Variants in BRAT1 observed in about 807,000 individuals in gnomAD.
BRAT1 encodes the protein BRCA1 associated ATM activator 1.
In BRAT1, 74 loss-of-function variants were observed where a neutral mutation model predicts 70.6. The ratio of observed to expected loss-of-function variants is 1.05; its 90% CI spans 0.87 to 1.27. BRAT1 has a LOEUF of 1.27. Ranked by LOEUF, BRAT1 falls within the 50% of genes most tolerant of loss-of-function variation. The pLI is 0.00. For synonymous variants in BRAT1, 615 were observed against 517.1 expected, an observed-to-expected ratio of 1.19 and a Z score of -2.57; for missense variants, 1,203 against 1,098.2, an observed-to-expected ratio of 1.10 and a Z score of -1.35.
chr7:2,539,250 T>C lies in BRAT1; in HGVS notation c.1699A>G (p.Thr567Ala). The change falls in exon 13 of 14, where the codon ACC becomes GCC. Residue 567 changes from threonine (T) to alanine (A), a missense_variant. Thr to Ala is a moderately conservative substitution (Grantham distance 58). Coordinates refer to ENST00000340611, the MANE Select transcript of BRAT1 (RefSeq NM_152743.4). ...PESYVRASAV[T>A]AMGQLSSQGL... ...TGGCTGGACAGCTGCCCCATGGCGG[T>C]CACTGCACTCGCTCGGACATAACTC... 6.2e-7 allele frequency: 1 copy of C among 1,611,404 alleles called. No individual in the cohort carries two copies. The highest frequency in any genetic ancestry group is 8.5e-7 in the Non-Finnish European group (1 of 1,179,908).
intron 3 of BRAT1, among the ~76,000 whole-genome samples, chr7:2,546,909 CG>C (rs1222069490): frequency 3.3e-5 from 5 of 152,088 alleles, no homozygotes; most frequent in African/African-American, 1.2e-4. Context: ...GGCGCAGCTA[CG>C]ACTCCTGTCT....
rs1350799820 is a variant in BRAT1, at chr7:2,538,321, C to T, written c.2214G>A (p.Glu738=). 6.2e-7 allele frequency: 1 copy of T among 1,613,078 alleles called. No individual in the cohort carries two copies. ...AGGCAGTGTTGGGGCTGCCCCTGGC[C>T]TCCCGCAGGCTGCTGTAGGAAGCAA... ...DKIASYSSLR[E]ARGSPNTASA... Residue 738 remains glutamate (E), a synonymous_variant, in exon 14 of 14, where the codon GAG becomes GAA. Coordinates refer to ENST00000340611, the MANE Select transcript of BRAT1 (RefSeq NM_152743.4).
At position 2,542,108 on chromosome 7, in the gene BRAT1, T is replaced by C; in HGVS notation, c.1015+12A>G. On this transcript the variant is annotated intron_variant, in intron 7 of 13. Coordinates refer to ENST00000340611, the MANE Select transcript of BRAT1 (RefSeq NM_152743.4). ...CAGGTTCTGCCCTCCCAGCCCTTTC[T>C]AAGCAGCACACCTGGGGGTCCGGGG... 1 of 1,520,538 alleles carries C rather than the reference T, an allele frequency of 6.6e-7. No individual in the cohort carries two copies. Among genetic ancestry groups the C allele is most frequent in the Non-Finnish European group, 8.8e-7 (1 of 1,133,524 alleles). 94.2% of individuals were successfully genotyped at this position (1,520,538 alleles called of 1,614,324 possible).
Position 2,545,000 on chromosome 7 carries a change from G to C in BRAT1, c.339C>G (p.Thr113=), listed in dbSNP as rs1357023439. The C allele has an allele frequency of 5.1e-6, 8 of 1,556,968 alleles. No individual in the cohort carries two copies. Among genetic ancestry groups the C allele is most frequent in the Non-Finnish European group, 4.3e-6 (5 of 1,149,888 alleles). The change falls in exon 4 of 14, where the codon ACC becomes ACG. Residue 113 remains threonine, a synonymous_variant. Coordinates refer to ENST00000340611, the MANE Select transcript of BRAT1 (RefSeq NM_152743.4). ...CGCTGCGCACGGTGGGGACGGCCCAGGTTGCTCGGCCGAGGGGTCCTGGCT... is the reference window on the plus strand; with the variant it reads ...CGCTGCGCACGGTGGGGACGGCCCACGTTGCTCGGCCGAGGGGTCCTGGCT... ...FGEPGPLGRA[T]WAVPTVRSGW... is the part of the protein sequence containing the mutation.
intron 2 of BRAT1, among the ~76,000 whole-genome samples, chr7:2,550,481 C>CAAAAAAAAAAAAAAAAAAA (rs369777124): frequency 6.8e-4 from 39 of 57,474 alleles, no homozygotes; most frequent in African/African-American, 1.2e-3. Flanking sequence ...AAAAAAAAAA[C>CAAAAAAAAAAAAAAAAAAA]AAAAAAAAAA....
In BRAT1 at chr7:2,554,308, C is replaced by T. The variant is rs760560621; in HGVS notation, c.124G>A (p.Gly42Arg). ...LLDWFKTVTE[G>R]ESSVVLLQEH... The stretch of plus-strand genomic sequence containing the variant: ...AACAGCAGCACCACCTCCTTACCTC[C>T]TTCAGTGACCGTTTTAAACCAGTCC... The change falls in exon 2 of 14, where the codon GGA becomes AGA. Residue 42 changes from glycine (G) to arginine (R), a missense_variant. By Grantham distance (125) the Gly-to-Arg change is moderately radical. Transcript: ENST00000340611. The T allele has an allele frequency of 2.0e-5, 32 of 1,613,436 alleles. No homozygotes were observed. Among genetic ancestry groups the T allele is most frequent in the African/African-American group, 2.7e-5 (2 of 74,932 alleles).
chr7:2,541,408 G>A lies in BRAT1; in HGVS notation c.1211C>T (p.Ser404Leu), dbSNP rs538629958. 2.0e-5 allele frequency: 32 copies of A among 1,599,058 alleles called. No individual in the cohort carries two copies. The highest frequency in any genetic ancestry group is 1.4e-4 in the Admixed American group (8 of 57,704). ...TVTVLRLCDG[S>L]AAPASSVGGH... Reference sequence around the variant, plus strand: ...CCCCACACTGGAGGCAGGGGCAGCCGAGCCGTCACAGAGCCGCAGGACAGT... The same window carrying A: ...CCCCACACTGGAGGCAGGGGCAGCCAAGCCGTCACAGAGCCGCAGGACAGT... Residue 404 changes from serine to leucine, a missense_variant, in exon 9 of 14, where the codon TCG becomes TTG. Physicochemically the swap from Ser to Leu is moderately radical, Grantham distance 145. Transcript: ENST00000340611.
intron 3 of BRAT1, 134 bp downstream of exon 3, chr7:2,547,190 C>T (rs1261578858): frequency 6.0e-6 from 7 of 1,165,916 alleles, no homozygotes; most frequent in Non-Finnish European, 8.5e-6. Flanking sequence ...ACATGCAGTT[C>T]TAGTGAGGAC....
At position 2,538,426 on chromosome 7, in the gene BRAT1, G is replaced by C. The variant is rs745775567; in HGVS notation, c.2109C>G (p.Phe703Leu). The C allele has an allele frequency of 6.2e-7, 1 of 1,613,408 alleles. No individual in the cohort carries two copies. The highest frequency in any genetic ancestry group is 8.5e-7 in the Non-Finnish European group (1 of 1,179,964). Residue 703 changes from phenylalanine (F) to leucine (L), a missense_variant, in exon 14 of 14, where the codon TTC becomes TTG. Coordinates refer to ENST00000340611, the MANE Select transcript of BRAT1 (RefSeq NM_152743.4). ...RALCHVGLFDFAFCALFDCDR... is the reference protein window; with the variant it reads ...RALCHVGLFDLAFCALFDCDR... ...CGCAGTCAAACAAGGCACAAAAGGC[G>C]AAGTCAAAGAGCCCCACGTGGCAGA...
chr7:2,537,908 C>G lies in BRAT1; in HGVS notation c.*161G>C, dbSNP rs779928002. The G allele has an allele frequency of 2.3e-4, 271 of 1,202,162 alleles. No individual in the cohort carries two copies. Among genetic ancestry groups the G allele is most frequent in the Non-Finnish European group, 2.7e-4 (251 of 918,688 alleles). 74.5% of individuals were successfully genotyped at this position (1,202,162 alleles called of 1,614,324 possible). A position where few individuals can be genotyped will look rare whatever the true frequency, so the allele number is the denominator to read the frequency against. ...GTAGAAATAAGTCATTTCTTTAATA[C>G]ATCAAACTGTGGGATTTCTTGACCT... On this transcript the variant is annotated 3_prime_UTR_variant, in exon 14 of 14. Transcript: ENST00000340611.
chr7:2,539,415 G>T, intron 12 of BRAT1, 64 bp from the exon 13 acceptor site: 1 of 1,543,204 alleles, frequency 6.5e-7, no homozygotes. Context: ...CTCGGCCTCT[G>T]CCTCCATCCC....
Position 2,543,631 on chromosome 7 carries a change from G to T in BRAT1, c.762C>A (p.Pro254=). 1 of 1,536,796 alleles carries T rather than the reference G, an allele frequency of 6.5e-7. No individual in the cohort carries two copies. The highest frequency in any genetic ancestry group is 8.8e-7 in the Non-Finnish European group (1 of 1,137,002). Residue 254 remains proline (P), a synonymous_variant, in exon 5 of 14, where the codon CCC becomes CCA. Coordinates refer to ENST00000340611, the MANE Select transcript of BRAT1 (RefSeq NM_152743.4). This position sits in a 1 kb window ranked among gnomAD's most constrained non-coding sequence, Gnocchi z 5.5. The part of the protein sequence containing the change: ...VACLLERDPI[P]AAHSFVDLLL... Reference sequence around the variant, plus strand: ...GCAGGTCCACGAACGAGTGTGCGGCGGGGATGGGGTCTCTCTCCAGCAGAC... The same window carrying T: ...GCAGGTCCACGAACGAGTGTGCGGCTGGGATGGGGTCTCTCTCCAGCAGAC...
Position 2,543,377 on chromosome 7 carries a change from C to G in BRAT1, c.804-54G>C. 1 of 1,523,608 alleles carries G rather than the reference C, an allele frequency of 6.6e-7. No homozygotes were observed. The highest frequency in any genetic ancestry group is 8.8e-7 in the Non-Finnish European group (1 of 1,134,806). The allele number at this position is 1,523,608 out of a possible 1,614,324, so 94.4% of individuals were successfully genotyped here. On this transcript the variant is annotated intron_variant, in intron 5 of 13. Transcript: ENST00000340611. The surrounding 1 kb of genome is among the most constrained non-coding windows in gnomAD (Gnocchi z 5.5). ...ACTCCCCCACCCTCAAAACCCCATT[C>G]GAGGCCTGGCTGAGACTGCCATGGC...
chr7:2,549,375 G>A (rs1249870440), intron 2 of BRAT1, among the ~76,000 whole-genome samples: 1 of 152,154 alleles, frequency 6.6e-6, no homozygotes, highest in Non-Finnish European at 1.5e-5. Flanking sequence ...TACACTGGAA[G>A]CTGAGATGGG....
At chr7:2,539,919 C>A in intron 10 of BRAT1, 31 bp from the exon 11 acceptor site, 2 of 1,443,406 alleles carry the variant, frequency 1.4e-6, no homozygotes, top group Non-Finnish European at 9.2e-7. Flanking sequence ...TGCAGGGCCA[C>A]GGGAGACGGA....
chr7:2,546,761 A>C (rs1779636453), intron 3 of BRAT1, among the ~76,000 whole-genome samples: 2 of 152,112 alleles, frequency 1.3e-5, no homozygotes, highest in Non-Finnish European at 1.5e-5. Context: ...ATAAAATAAA[A>C]ATAAATAAAA....
intron 2 of BRAT1, among the ~76,000 whole-genome samples, chr7:2,552,701 C>T (rs988168241): frequency 1.3e-4 from 20 of 151,916 alleles, no homozygotes; most frequent in Admixed American, 1.3e-3. Context: ...TAAACATTTA[C>T]ATGCGAGAAT....
rs998874603 is a variant in BRAT1 at position 2,537,823 on chromosome 7, C to T, written c.*246G>A. ...ATGACACTGGACCCTTGTCTCAGAT[C>T]ATTATTATTAAATTAACTCAAAAAG... On this transcript the variant is annotated 3_prime_UTR_variant, in exon 14 of 14. Coordinates refer to ENST00000340611, the MANE Select transcript of BRAT1 (RefSeq NM_152743.4). 1.1e-5 allele frequency: 6 copies of T among 532,246 alleles called. No individual in the cohort carries two copies. Among genetic ancestry groups the T allele is most frequent in the Admixed American group, 3.9e-5 (1 of 25,576 alleles). The allele number at this position is 532,246 out of a possible 1,614,324, so 33.0% of individuals were successfully genotyped here. A position where few individuals can be genotyped will look rare whatever the true frequency, so the allele number is the denominator to read the frequency against.
intron 12 of BRAT1, 63 bp downstream of exon 12, chr7:2,539,481 C>A (rs1183801788): frequency 1.3e-6 from 2 of 1,502,886 alleles, no homozygotes; most frequent in East Asian, 4.9e-5. Flanking sequence ...GCTGCTGGTG[C>A]ACCCTGGCTC....
Sources: allele counts gnomAD v4.1 joint callset (sites outside exome capture counted in the v4.1 genomes callset), GRCh38; gene constraint gnomAD v4.1.1; non-coding constraint Gnocchi (gnomAD v3.1); transcripts MANE v1.5; gene names NCBI Gene and HGNC (gene_info 2026-07-23, HGNC 2026-07-21).